The following GPC5 variants were observed in gnomAD, a reference collection of about 807,000 sequenced individuals.
GPC5 encodes glypican-5.
In GPC5, 47 loss-of-function variants were observed where a neutral mutation model predicts 53.9. That is an observed-to-expected ratio of 0.87 (90% CI 0.69 to 1.11). The LOEUF (loss-of-function observed/expected upper bound fraction) is 1.11. GPC5 is among the 50% of genes most tolerant of loss of function. The pLI is 0.00. For missense variants in GPC5, 748 were observed against 713.1 expected (o/e 1.05, Z -0.56); for synonymous variants, 286 against 263.3 (o/e 1.09, Z -0.84).
At chr13:92,628,254 C>CTTTTTTTTTTTTTTTTTTTTTT (rs1417470031) in intron 7 of GPC5, among the ~76,000 whole-genome samples, 1 of 59,610 alleles carries the variant, frequency 1.7e-5, no homozygotes, top group African/African-American at 5.7e-5. Flanking sequence ...TTTTCTTTTT[C>CTTTTTTTTTTTTTTTTTTTTTT]TTTTTCTTTC....
intron 5 of GPC5, among the ~76,000 whole-genome samples, chr13:91,794,749 G>C (rs543224062): frequency 1.3e-5 from 2 of 152,216 alleles, no homozygotes; most frequent in Non-Finnish European, 2.9e-5. Flanking sequence ...CAAATCCTGA[G>C]TCTGCTCAAA....
At chr13:92,756,173 A>C (rs1874856989) in intron 7 of GPC5, among the ~76,000 whole-genome samples, 1 of 152,134 alleles carries the variant, frequency 6.6e-6, no homozygotes, top group Admixed American at 6.5e-5. Flanking sequence ...AGGCTGGTTC[A>C]TTATATGCAA....
chr13:92,540,360 T>A (rs138388763), intron 7 of GPC5, among the ~76,000 whole-genome samples: 2 of 152,040 alleles, frequency 1.3e-5, no homozygotes, highest in Admixed American at 1.3e-4. Context: ...TAAATATGAA[T>A]ACGATAATAG....
intron 2 of GPC5, among the ~76,000 whole-genome samples, chr13:91,577,110 T>C (rs562779840): frequency 6.6e-6 from 1 of 152,290 alleles, no homozygotes; most frequent in South Asian, 2.1e-4. Context: ...AACAGATTAT[T>C]GGTTCTTCCT....
chr13:91,408,733 C>T (rs531915589), intron 1 of GPC5, among the ~76,000 whole-genome samples: 26 of 152,262 alleles, frequency 1.7e-4, no homozygotes, highest in Non-Finnish European at 2.9e-5. Context: ...GTTTATTACT[C>T]TTATTAGGAT....
intron 6 of GPC5, among the ~76,000 whole-genome samples, chr13:92,066,832 T>A (rs1255928156): frequency 6.6e-6 from 1 of 151,942 alleles, no homozygotes; most frequent in Non-Finnish European, 1.5e-5. Context: ...TGTATACAGA[T>A]TTTTTTTCTT....
At position 92,674,927 on chromosome 13, in the gene GPC5, A is replaced by C. The variant is rs1886885856; in HGVS notation, c.1562-191355A>C. Among the ~76,000 whole-genome samples the C allele has an allele frequency of 2.0e-5, 3 of 152,176 alleles. No individual in the cohort carries two copies. The South Asian group carries it at 6.2e-4, about 31-fold the overall frequency. ...TTAAGTACATTTGTATTCACTGTAC[A>C]TTTTTAGCTATTTGTTTAGAAGAAA... is the stretch of plus-strand genomic sequence containing the variant. On this transcript the variant is annotated intron_variant, in intron 7 of 7. Coordinates refer to ENST00000377067, the MANE Select transcript of GPC5 (RefSeq NM_004466.6).
At position 91,561,008 on chromosome 13, in the gene GPC5, G is replaced by T. The variant is rs114359155; in HGVS notation, c.325+112086G>T. Among the ~76,000 whole-genome samples, 938 of 152,144 alleles carry T rather than the reference G, an allele frequency of 6.2e-3. 8 individuals carry two copies. Among genetic ancestry groups the T allele is most frequent in the African/African-American group, 0.022 (905 of 41,536 alleles). ...ATCTAGATTTTACTAGAGTGACTGT[G>T]CCCTGAGGAATAGGAAATACCCAGT... On this transcript the variant is annotated intron_variant, in intron 2 of 7. Coordinates refer to ENST00000377067, the MANE Select transcript of GPC5 (RefSeq NM_004466.6).
intron 6 of GPC5, among the ~76,000 whole-genome samples, chr13:91,908,496 T>G (rs1486785295): frequency 1.3e-5 from 2 of 152,164 alleles, no homozygotes; most frequent in African/African-American, 4.8e-5. Flanking sequence ...TAATATGTAT[T>G]TATAATATTT....
chr13:91,580,124 C>T (rs188670977), intron 2 of GPC5, among the ~76,000 whole-genome samples: 1 of 152,268 alleles, frequency 6.6e-6, no homozygotes, highest in Admixed American at 6.5e-5. Flanking sequence ...AATCGCGGCT[C>T]ACTGCAAGCT....
chr13:91,784,726 G>GAAA (rs10644468), intron 5 of GPC5, among the ~76,000 whole-genome samples: 1 of 143,534 alleles, frequency 7.0e-6, no homozygotes, highest in Non-Finnish European at 1.5e-5. Flanking sequence ...CTCCATCTCA[G>GAAA]AAAAAAAAAA....
chr13:92,654,855 TA>T (rs1457936259), intron 7 of GPC5, among the ~76,000 whole-genome samples: 1 of 152,118 alleles, frequency 6.6e-6, no homozygotes, highest in East Asian at 1.9e-4. Flanking sequence ...TCAAATGTAA[TA>T]AAGTTAAGAC....
intron 7 of GPC5, among the ~76,000 whole-genome samples, chr13:92,839,630 A>G (rs374674365): frequency 7.2e-5 from 11 of 152,234 alleles, no homozygotes; most frequent in African/African-American, 2.6e-4. Flanking sequence ...AAAGGACAGG[A>G]TTATGTTATT....
intron 7 of GPC5, among the ~76,000 whole-genome samples, chr13:92,865,183 G>C (rs1040740888): frequency 6.6e-6 from 1 of 152,010 alleles, no homozygotes; most frequent in African/African-American, 2.4e-5. Flanking sequence ...GTTTCATAAC[G>C]TACGGAAGTA....
At chr13:91,745,365 G>A (rs1205765680) in intron 4 of GPC5, among the ~76,000 whole-genome samples, 1 of 152,036 alleles carries the variant, frequency 6.6e-6, no homozygotes, top group Non-Finnish European at 1.5e-5. Context: ...CCAGCTCAAG[G>A]CTAGAATCAA....
intron 7 of GPC5, among the ~76,000 whole-genome samples, chr13:92,301,430 G>GTTAAA (rs2043074768): frequency 6.6e-6 from 1 of 152,192 alleles, no homozygotes; most frequent in Non-Finnish European, 1.5e-5. Context: ...ACAGTAGCAA[G>GTTAAA]AAAACTATCT....
At chr13:92,043,522 T>G (rs1408151232) in intron 6 of GPC5, among the ~76,000 whole-genome samples, 1 of 152,180 alleles carries the variant, frequency 6.6e-6, no homozygotes. Flanking sequence ...GGAAAGGTGA[T>G]AGTATCAGTG....
At chr13:92,104,531 C>T (rs2041492761) in intron 6 of GPC5, among the ~76,000 whole-genome samples, 1 of 152,038 alleles carries the variant, frequency 6.6e-6, no homozygotes, top group African/African-American at 2.4e-5. Flanking sequence ...CAGATACATG[C>T]CCCATTTATT....
chr13:92,524,748 T>C (rs1338465240), intron 7 of GPC5, among the ~76,000 whole-genome samples: 1 of 152,094 alleles, frequency 6.6e-6, no homozygotes, highest in African/African-American at 2.4e-5. Flanking sequence ...TAGTTATTGC[T>C]TATATTTGTT....
Sources: gnomAD v4.1 joint callset for allele counts (sites outside exome capture counted in the v4.1 genomes callset) on GRCh38, gnomAD v4.1.1 for gene constraint, MANE v1.5 for transcripts, NCBI Gene and HGNC (gene_info 2026-07-23, HGNC 2026-07-21) for gene names.